The following GULP1 variants were observed in gnomAD, a reference collection of about 807,000 sequenced individuals.
The protein encoded by GULP1 is GULP PTB domain containing engulfment adaptor 1.
A neutral mutation model predicts 40.9 loss-of-function variants in GULP1; 19 were observed. The ratio of observed to expected loss-of-function variants is 0.46; its 90% confidence interval spans 0.32 to 0.68. GULP1 has a LOEUF of 0.68. Among genes scored for constraint, GULP1 ranks in the 30% least tolerant of loss-of-function variants. GULP1 has a pLI of 0.03. For synonymous variants in GULP1, 119 were observed against 117.6 expected, an observed-to-expected ratio of 1.01 and a Z score of -0.08; for missense variants, 312 against 362.2, an observed-to-expected ratio of 0.86 and a Z score of 1.12.
intron 7 of GULP1, among the ~76,000 whole-genome samples, chr2:188,551,760 C>T (rs557885056): frequency 1.3e-4 from 19 of 151,664 alleles, no homozygotes; most frequent in Non-Finnish European, 5.9e-5. Context: ...TACTGTTTTC[C>T]GTAGTAGCTT....
chr2:188,348,803 G>A (rs992410679), intron 1 of GULP1, among the ~76,000 whole-genome samples: 11 of 152,092 alleles, frequency 7.2e-5, no homozygotes, highest in Non-Finnish European at 1.5e-4. Context: ...TATCTGTAGG[G>A]GGGCCCTGGA....
intron 2 of GULP1, among the ~76,000 whole-genome samples, chr2:188,472,901 G>A (rs180912666): frequency 1.1e-3 from 169 of 152,314 alleles, no homozygotes; most frequent in African/African-American, 4.0e-3. Flanking sequence ...AGTCTTTGCA[G>A]TCTGCTCTTG....
intron 4 of GULP1, among the ~76,000 whole-genome samples, chr2:188,516,381 T>G (rs1391477511): frequency 6.6e-6 from 1 of 152,156 alleles, no homozygotes; most frequent in African/African-American, 2.4e-5. Flanking sequence ...TTTGTTTTAT[T>G]TTTTGTTGTT....
intron 1 of GULP1, among the ~76,000 whole-genome samples, chr2:188,352,616 TCTCACA>T (rs1410362845): frequency 2.6e-5 from 2 of 75,956 alleles, no homozygotes; most frequent in Non-Finnish European, 5.3e-5. Context: ...TCTCTCTCTC[TCTCACA>T]CACACACACA....
intron 9 of GULP1, among the ~76,000 whole-genome samples, chr2:188,579,522 T>C (rs1022975868): frequency 2.6e-5 from 4 of 152,138 alleles, no homozygotes; most frequent in Non-Finnish European, 5.9e-5. Context: ...ACATTTATCT[T>C]TTCTTTGTGT....
At chr2:188,453,306 T>A (rs1042508776) in intron 2 of GULP1, among the ~76,000 whole-genome samples, 1 of 57,448 alleles carries the variant, frequency 1.7e-5, no homozygotes, top group Non-Finnish European at 2.9e-5. Flanking sequence ...TTTAGAAATG[T>A]AAATGTTTAA....
chr2:188,452,823 T>C (rs1398461990), intron 2 of GULP1, among the ~76,000 whole-genome samples: 1 of 152,208 alleles, frequency 6.6e-6, no homozygotes, highest in African/African-American at 2.4e-5. Flanking sequence ...ATTTTATTAA[T>C]ACAATAATAG....
In GULP1 at chr2:188,392,084, G is replaced by A. The variant is rs991188551; in HGVS notation, c.-45+8195G>A. ...GTCTATTGTTTTCTTGTTTTATTAT[G>A]TCCTTTCCTCACTTTGGTATCAGGG... is the stretch of plus-strand genomic sequence containing the variant. On this transcript the variant is annotated intron_variant, in intron 2 of 11. Transcript: ENST00000409830. 3.3e-5 allele frequency among the ~76,000 whole-genome samples: 5 copies of A among 151,878 alleles called. No individual in the cohort carries two copies. The East Asian group carries it at 9.6e-4, about 29-fold the overall frequency.
intron 2 of GULP1, among the ~76,000 whole-genome samples, chr2:188,399,937 T>A (rs2051959598): frequency 6.6e-6 from 1 of 152,176 alleles, no homozygotes; most frequent in African/African-American, 2.4e-5. Flanking sequence ...GAGTTATTCC[T>A]TGCTTTTATG....
chr2:188,326,717 C>T (rs545387311), intron 1 of GULP1, among the ~76,000 whole-genome samples: 109 of 152,218 alleles, frequency 7.2e-4, no homozygotes, highest in African/African-American at 2.5e-3. Context: ...TCAAAGAAGT[C>T]GTGTTAATGA....
intron 9 of GULP1, among the ~76,000 whole-genome samples, chr2:188,580,250 G>A (rs1700978798): frequency 6.6e-6 from 1 of 152,188 alleles, no homozygotes; most frequent in East Asian, 1.9e-4. Context: ...AATAGATGGA[G>A]GTGTATTACA....
chr2:188,477,846 G>C, intron 3 of GULP1, 116 bp downstream of exon 3: 20 of 732,458 alleles, frequency 2.7e-5, no homozygotes, highest in South Asian at 3.8e-5. Context: ...CAGAAATGAA[G>C]TTAGATTAGA....
At chr2:188,409,846 CAG>C (rs1242642783) in intron 2 of GULP1, among the ~76,000 whole-genome samples, 5 of 152,042 alleles carry the variant, frequency 3.3e-5, no homozygotes, top group Non-Finnish European at 4.4e-5. Flanking sequence ...AACATAGTAA[CAG>C]AATGAAATCC....
At chr2:188,545,722 CTAACA>C (rs1441066015) in intron 7 of GULP1, among the ~76,000 whole-genome samples, 2 of 151,750 alleles carry the variant, frequency 1.3e-5, no homozygotes, top group Non-Finnish European at 2.9e-5. Flanking sequence ...TACTTAAGCC[CTAACA>C]TATCAAAAAT....
intron 7 of GULP1, among the ~76,000 whole-genome samples, chr2:188,566,119 T>C (rs990648614): frequency 1.3e-5 from 2 of 152,278 alleles, no homozygotes; most frequent in South Asian, 2.1e-4. Context: ...TTCATAAATT[T>C]ATCATGATCT....
At chr2:188,579,208 T>A (rs770851806) in intron 9 of GULP1, among the ~76,000 whole-genome samples, 1 of 152,124 alleles carries the variant, frequency 6.6e-6, no homozygotes, top group Non-Finnish European at 1.5e-5. Context: ...AAGTGTGAAA[T>A]GGGCATATGG....
At chr2:188,404,562 T>C (rs949501403) in intron 2 of GULP1, among the ~76,000 whole-genome samples, 1 of 152,160 alleles carries the variant, frequency 6.6e-6, no homozygotes, top group Admixed American at 6.5e-5. Flanking sequence ...GGTTGGAATC[T>C]GCAGAGTGAG....
intron 7 of GULP1, among the ~76,000 whole-genome samples, chr2:188,564,263 T>C (rs759444113): frequency 6.6e-6 from 1 of 151,808 alleles, no homozygotes; most frequent in Non-Finnish European, 1.5e-5. Context: ...AGCTAGTGAA[T>C]AGATGGAGAG....
At chr2:188,497,290 T>C (rs2062991203) in intron 4 of GULP1, among the ~76,000 whole-genome samples, 1 of 152,010 alleles carries the variant, frequency 6.6e-6, no homozygotes, top group Non-Finnish European at 1.5e-5. Flanking sequence ...AGTAATGTTC[T>C]TCTGTATGTT....
Sources: allele counts gnomAD v4.1 joint callset (sites outside exome capture counted in the v4.1 genomes callset), GRCh38; gene constraint gnomAD v4.1.1; transcripts MANE v1.5; gene names NCBI Gene and HGNC (gene_info 2026-07-23, HGNC 2026-07-21).